Variants in ASIC2 observed in about 807,000 individuals in gnomAD.
The protein encoded by ASIC2 is acid sensing ion channel subunit 2, also known as acid-sensing ion channel 2.
ASIC2 carries 25 observed loss-of-function variants against 57.3 expected under a neutral mutation model. That is an observed-to-expected ratio of 0.44 (90% CI 0.32 to 0.61). The LOEUF (loss-of-function observed/expected upper bound fraction) is 0.61, where lower values mean the gene tolerates loss of function less well. ASIC2 is among the 20% of genes least tolerant of loss of function. The pLI is 0.06. For missense variants in ASIC2, 641 were observed against 738.1 expected (o/e 0.87, Z 1.52); for synonymous variants, 319 against 307.5 (o/e 1.04, Z -0.39).
At chr17:33,542,879 G>C (rs1433017112) in intron 1 of ASIC2, among the ~76,000 whole-genome samples, 1 of 151,258 alleles carries the variant, frequency 6.6e-6, no homozygotes, top group African/African-American at 2.4e-5. Flanking sequence ...TATGGTTTTA[G>C]GTCTAACGTT....
chr17:33,398,448 C>T lies in ASIC2; in HGVS notation c.556-286381G>A, dbSNP rs184919349. Among the ~76,000 whole-genome samples the T allele has an allele frequency of 2.7e-3, 410 of 152,218 alleles. 2 individuals are homozygous for T. The highest frequency in any genetic ancestry group is 4.3e-3 in the Non-Finnish European group (295 of 68,026). ...TTGGAACCAAGACAGCATTGGGCCT[C>T]TTGGTGATGATGGTAGCAGTCATTG... On this transcript the variant is annotated intron_variant, in intron 1 of 9. Transcript: ENST00000359872.
At chr17:33,706,597 T>A (rs565728906) in intron 1 of ASIC2, among the ~76,000 whole-genome samples, 14 of 152,288 alleles carry the variant, frequency 9.2e-5, no homozygotes, top group African/African-American at 3.4e-4. Flanking sequence ...GTGTACTATG[T>A]TTATATTTTC....
At chr17:33,376,796 T>C (rs1909293090) in intron 1 of ASIC2, among the ~76,000 whole-genome samples, 1 of 152,190 alleles carries the variant, frequency 6.6e-6, no homozygotes, top group Admixed American at 6.5e-5. Context: ...ATTTTCTTCC[T>C]CATTACATTA....
chr17:33,139,214 A>G (rs1008328827), intron 1 of ASIC2, among the ~76,000 whole-genome samples: 7 of 152,012 alleles, frequency 4.6e-5, no homozygotes, highest in African/African-American at 1.7e-4. Context: ...CTGTTAGTTT[A>G]TATGCTGGGG....
At chr17:33,075,389 A>G (rs2092085435) in intron 3 of ASIC2, among the ~76,000 whole-genome samples, 1 of 152,138 alleles carries the variant, frequency 6.6e-6, no homozygotes, top group Non-Finnish European at 1.5e-5. Flanking sequence ...TGAGAAATGG[A>G]CTAATACAGG....
At chr17:33,272,810 T>C (rs1334090038) in intron 1 of ASIC2, among the ~76,000 whole-genome samples, 1 of 152,234 alleles carries the variant, frequency 6.6e-6, no homozygotes, top group Non-Finnish European at 1.5e-5. Context: ...TCTCAGAACA[T>C]CCCAGTGAGG....
At chr17:33,749,175 G>C (rs1910355608) in intron 1 of ASIC2, among the ~76,000 whole-genome samples, 1 of 152,122 alleles carries the variant, frequency 6.6e-6, no homozygotes, top group South Asian at 2.1e-4. Flanking sequence ...CTGGCAGGAA[G>C]GGTGGTGTGT....
chr17:34,156,553 C>T lies in ASIC2; in HGVS notation c.-21G>A, dbSNP rs764015857. The T allele has an allele frequency of 6.4e-7, 1 of 1,562,692 alleles. No homozygotes were observed. Among genetic ancestry groups the T allele is most frequent in the South Asian group, 1.2e-5 (1 of 83,274 alleles). Reference sequence around the variant, plus strand: ...TCCATCGGGACCCCGTGCAGTTCCGCAACTGGCTTCAGGTTGATCGAATTT... The same window carrying T: ...TCCATCGGGACCCCGTGCAGTTCCGTAACTGGCTTCAGGTTGATCGAATTT... On this transcript the variant is annotated 5_prime_UTR_variant, in exon 1 of 10. Transcript: ENST00000359872. The surrounding 1 kb of genome is among the most constrained non-coding windows in gnomAD (Gnocchi z 4.4).
intron 1 of ASIC2, among the ~76,000 whole-genome samples, chr17:33,456,278 C>T (rs890148342): frequency 2.6e-5 from 4 of 152,102 alleles, no homozygotes; most frequent in Non-Finnish European, 5.9e-5. Context: ...TGTTCTGTTT[C>T]CTACCCCCTT....
At chr17:33,904,491 T>G (rs1915305161) in intron 1 of ASIC2, among the ~76,000 whole-genome samples, 1 of 152,204 alleles carries the variant, frequency 6.6e-6, no homozygotes, top group African/African-American at 2.4e-5. Context: ...AATTCAAATG[T>G]TCTGAGGCAG....
At chr17:33,910,523 C>G (rs951799551) in intron 1 of ASIC2, among the ~76,000 whole-genome samples, 2 of 152,206 alleles carry the variant, frequency 1.3e-5, no homozygotes, top group African/African-American at 4.8e-5. Context: ...CCCAGGTTGG[C>G]TCTTCTTCCT....
At chr17:33,869,623 A>C (rs1404788478) in intron 1 of ASIC2, among the ~76,000 whole-genome samples, 1 of 152,234 alleles carries the variant, frequency 6.6e-6, no homozygotes, top group African/African-American at 2.4e-5. Flanking sequence ...TCAGCTAAGT[A>C]AAAGAACAAA....
intron 1 of ASIC2, among the ~76,000 whole-genome samples, chr17:34,030,995 G>GA (rs1399717454): frequency 2.0e-5 from 3 of 152,220 alleles, no homozygotes; most frequent in Non-Finnish European, 4.4e-5. Flanking sequence ...GTCCCTCTCT[G>GA]ACAGCTTTGA....
intron 1 of ASIC2, among the ~76,000 whole-genome samples, chr17:33,608,439 C>A (rs541892268): frequency 5.3e-5 from 8 of 152,228 alleles, no homozygotes; most frequent in African/African-American, 1.9e-4. Context: ...AACTGTAGGT[C>A]GTAGGAATCC....
rs535006315 is a variant in ASIC2, at chr17:33,840,798, A to T, written c.555+315180T>A. Among the ~76,000 whole-genome samples the T allele has an allele frequency of 1.0e-3, 89 of 87,068 alleles. 2 individuals are homozygous for T. Among genetic ancestry groups the T allele is most frequent in the African/African-American group, 3.6e-3 (85 of 23,736 alleles). The allele number at this position is 87,068 out of a possible 152,430, so 57.1% of individuals were successfully genotyped here. On this transcript the variant is annotated intron_variant, in intron 1 of 9. Transcript: ENST00000359872. ...GTTATTCCTTTAGGTACCTGGACAC[A>T]CCACACACACACACACACACACACA...
chr17:33,781,101 G>A (rs910399852), intron 1 of ASIC2, among the ~76,000 whole-genome samples: 8 of 152,178 alleles, frequency 5.3e-5, no homozygotes, highest in Non-Finnish European at 8.8e-5. Flanking sequence ...CTGGGTTGGT[G>A]TGGAGGGGGA....
chr17:33,081,499 G>A (rs1046239202), intron 3 of ASIC2, among the ~76,000 whole-genome samples: 5 of 151,892 alleles, frequency 3.3e-5, no homozygotes, highest in African/African-American at 9.6e-5. Context: ...ATATTTATGC[G>A]GCTCCATCTT....
chr17:34,106,147 G>A (rs1911043374), intron 1 of ASIC2, among the ~76,000 whole-genome samples: 1 of 151,936 alleles, frequency 6.6e-6, no homozygotes, highest in Non-Finnish European at 1.5e-5. Context: ...ATTTTGGGTT[G>A]TCTAATGTTT....
At chr17:33,770,022 T>C (rs578255428) in intron 1 of ASIC2, among the ~76,000 whole-genome samples, 20 of 152,352 alleles carry the variant, frequency 1.3e-4, no homozygotes, top group African/African-American at 4.6e-4. Flanking sequence ...GAAAGCTGAA[T>C]GACCACTGAG....
Sources: allele counts gnomAD v4.1 joint callset (sites outside exome capture counted in the v4.1 genomes callset), GRCh38; gene constraint gnomAD v4.1.1; non-coding constraint Gnocchi (gnomAD v3.1); transcripts MANE v1.5; gene names NCBI Gene and HGNC (gene_info 2026-07-23, HGNC 2026-07-21).